MAGI1: variants seen among roughly 807,000 people sequenced by gnomAD.
The protein encoded by MAGI1 is membrane associated guanylate kinase, WW and PDZ domain containing 1, also known as membrane-associated guanylate kinase, WW and PDZ domain-containing protein 1.
In MAGI1, 58 loss-of-function variants were observed where a neutral mutation model predicts 139.9. The observed-to-expected ratio is 0.41, with a 90% CI of 0.34 to 0.52. The LOEUF (loss-of-function observed/expected upper bound fraction) is 0.52, where lower values mean the gene tolerates loss of function less well. MAGI1 is among the 20% of genes least tolerant of loss of function. The pLI is 0.12. For synonymous variants in MAGI1, 812 were observed against 737.9 expected (o/e 1.10, Z -1.63); for missense variants, 1,874 against 1,901.6 (o/e 0.99, Z 0.27).
intron 9 of MAGI1, 117 bp downstream of exon 9, chr3:65,439,762 G>C (rs1575749277): frequency 6.4e-7 from 1 of 1,558,776 alleles, no homozygotes; most frequent in Non-Finnish European, 8.6e-7. Flanking sequence ...CAGCTCTTCA[G>C]TGTGGCAAGA....
intron 1 of MAGI1, among the ~76,000 whole-genome samples, chr3:65,646,943 C>T (rs1236518144): frequency 1.3e-5 from 2 of 151,816 alleles, no homozygotes; most frequent in African/African-American, 4.8e-5. Flanking sequence ...AGATTCAAAT[C>T]AATAAACTCT....
chr3:65,903,952 G>A lies in MAGI1; in HGVS notation c.313+134044C>T, dbSNP rs568745489. ...GAACCCAGAAGGTGGAGGTTGCAGTGAGCCGAGATCGTGCCACTGCATTCC... is the reference window on the plus strand; with the variant it reads ...GAACCCAGAAGGTGGAGGTTGCAGTAAGCCGAGATCGTGCCACTGCATTCC... On this transcript the variant is annotated intron_variant, in intron 1 of 22. Coordinates refer to ENST00000402939, the MANE Select transcript of MAGI1 (RefSeq NM_001033057.2). 9.9e-4 allele frequency among the ~76,000 whole-genome samples: 151 copies of A among 151,914 alleles called. 1 individual carries two copies. The Middle Eastern group carries it at 0.014, about 14-fold the overall frequency.
chr3:65,590,923 A>T lies in MAGI1; in HGVS notation c.430+31049T>A, dbSNP rs144775081. 6.1e-3 allele frequency among the ~76,000 whole-genome samples: 922 copies of T among 152,324 alleles called. 7 individuals are homozygous for T. The highest frequency in any genetic ancestry group is 0.015 in the South Asian group (71 of 4,824). Reference sequence around the variant, plus strand: ...GCTTACACATGCTGATGAGAATGTAAATTATATAATTCTTTTAGTGGAACA... The same window carrying T: ...GCTTACACATGCTGATGAGAATGTATATTATATAATTCTTTTAGTGGAACA... On this transcript the variant is annotated intron_variant, in intron 2 of 22. Transcript: ENST00000402939.
At chr3:65,952,018 A>G (rs1441625537) in intron 1 of MAGI1, among the ~76,000 whole-genome samples, 1 of 152,218 alleles carries the variant, frequency 6.6e-6, no homozygotes, top group Non-Finnish European at 1.5e-5. Flanking sequence ...CCTACTGACG[A>G]CAAAGTCATA....
intron 2 of MAGI1, chr3:65,597,698 C>T (rs1024299633): frequency 4.4e-6 from 2 of 456,610 alleles, no homozygotes; most frequent in Non-Finnish European, 8.8e-6. Context: ...GGCAGGGAGC[C>T]TCTGCCGCCG....
intron 2 of MAGI1, among the ~76,000 whole-genome samples, chr3:65,621,136 T>A (rs1051110616): frequency 7.9e-5 from 12 of 152,068 alleles, no homozygotes; most frequent in Non-Finnish European, 1.3e-4. Context: ...TCTAGGAAAA[T>A]AAAGGACTGG....
intron 2 of MAGI1, among the ~76,000 whole-genome samples, chr3:65,568,871 C>A (rs184055063): frequency 6.6e-6 from 1 of 152,298 alleles, no homozygotes; most frequent in East Asian, 1.9e-4. Context: ...TCCAAAGTTT[C>A]TATGACCTAT....
intron 1 of MAGI1, among the ~76,000 whole-genome samples, chr3:65,919,676 TCCTTCTC>T (rs2062078326): frequency 2.4e-5 from 2 of 84,878 alleles, no homozygotes; most frequent in Non-Finnish European, 4.1e-5. Context: ...TCATTCTCTC[TCCTTCTC>T]TCTCTCTCTC....
At chr3:65,796,050 CAAAAAAAAAA>C (rs35663778) in intron 1 of MAGI1, among the ~76,000 whole-genome samples, 3 of 103,048 alleles carry the variant, frequency 2.9e-5, no homozygotes, top group East Asian at 5.2e-4. Context: ...GACTCTGTCT[CAAAAAAAAAA>C]AAAAAAAAAA....
At chr3:65,632,024 C>CAA (rs397962718) in intron 1 of MAGI1, among the ~76,000 whole-genome samples, 200 of 126,384 alleles carry the variant, frequency 1.6e-3, no homozygotes, top group South Asian at 5.6e-3. Flanking sequence ...GACTCCGTCT[C>CAA]AAAAAAAAAA....
chr3:65,944,897 A>C (rs557936014), intron 1 of MAGI1, among the ~76,000 whole-genome samples: 226 of 152,318 alleles, frequency 1.5e-3, no homozygotes, highest in Middle Eastern at 6.8e-3. Flanking sequence ...AAAATATAAC[A>C]ACCAGGCAAA....
chr3:65,727,956 C>G (rs1262051830), intron 1 of MAGI1, among the ~76,000 whole-genome samples: 1 of 152,078 alleles, frequency 6.6e-6, no homozygotes, highest in Admixed American at 6.5e-5. Flanking sequence ...GGTGGGAGTA[C>G]TATTTGAGAA....
Position 65,379,457 on chromosome 3 carries a change from G to T in MAGI1, c.2799C>A (p.Gly933=). ...TCACCGTGTTCAGCGAGTTCTGGCTGCCCTGCGGAGTGCGCTTCTCTTCTG... is the reference window on the plus strand; with the variant it reads ...TCACCGTGTTCAGCGAGTTCTGGCTTCCCTGCGGAGTGCGCTTCTCTTCTG... ...SLTEEKRTPQ[G]SQNSLNTVSS... The change falls in exon 17 of 23, where the codon GGC becomes GGA. Residue 933 remains glycine, a synonymous_variant. Coordinates refer to ENST00000402939, the MANE Select transcript of MAGI1 (RefSeq NM_001033057.2). 2 of 1,614,048 alleles carry T rather than the reference G, an allele frequency of 1.2e-6. No individual in the cohort carries two copies. Among genetic ancestry groups the T allele is most frequent in the Non-Finnish European group, 8.5e-7 (1 of 1,179,942 alleles).
chr3:65,413,340 T>C (rs1241115004), intron 12 of MAGI1, among the ~76,000 whole-genome samples: 1 of 152,156 alleles, frequency 6.6e-6, no homozygotes. Context: ...TAAGAAATCA[T>C]ATAAGCCTTA....
At chr3:65,973,563 A>C (rs201132260) in intron 1 of MAGI1, among the ~76,000 whole-genome samples, 1 of 152,224 alleles carries the variant, frequency 6.6e-6, no homozygotes, top group Admixed American at 6.5e-5. Context: ...GCATGTCACT[A>C]CACAGCCATA....
intron 2 of MAGI1, among the ~76,000 whole-genome samples, chr3:65,546,129 A>T (rs1347598780): frequency 1.3e-5 from 2 of 152,154 alleles, no homozygotes; most frequent in Non-Finnish European, 2.9e-5. Context: ...ACATACATTT[A>T]AAATCATAAA....
At chr3:65,385,874 A>G (rs1943411017) in intron 14 of MAGI1, among the ~76,000 whole-genome samples, 1 of 152,198 alleles carries the variant, frequency 6.6e-6, no homozygotes, top group African/African-American at 2.4e-5. Flanking sequence ...GCTACAGGAT[A>G]TTTGCTGTAA....
chr3:65,676,666 T>C (rs186109480), intron 1 of MAGI1, among the ~76,000 whole-genome samples: 2 of 152,310 alleles, frequency 1.3e-5, no homozygotes, highest in Admixed American at 6.5e-5. Context: ...ATCCGGTCAA[T>C]TGTTACACAA....
rs146684094 is a variant in MAGI1, at chr3:65,431,029, T to A, written c.1364-148A>T. The A allele has an allele frequency of 2.5e-5, 19 of 747,380 alleles. No individual in the cohort carries two copies. The African/African-American group carries it at 3.0e-4, about 12-fold the overall frequency. The allele number at this position is 747,380 out of a possible 1,614,324, so 46.3% of individuals were successfully genotyped here. A position where few individuals can be genotyped will look rare whatever the true frequency, so the allele number is the denominator to read the frequency against. On this transcript the variant is annotated intron_variant, in intron 10 of 22. Coordinates refer to ENST00000402939, the MANE Select transcript of MAGI1 (RefSeq NM_001033057.2). ...CATCTTAAGAAAGTCCTCTCTTAAT[T>A]TGAGGAATAAGGATGTTCCTAGGCC...
Sources: allele counts gnomAD v4.1 joint callset (sites outside exome capture counted in the v4.1 genomes callset), GRCh38; gene constraint gnomAD v4.1.1; transcripts MANE v1.5; gene names NCBI Gene and HGNC (gene_info 2026-07-23, HGNC 2026-07-21).